ZNF469: variants seen among roughly 807,000 people sequenced by gnomAD.
ZNF469 encodes the protein zinc finger protein 469.
In ZNF469, 1 loss-of-function variant was observed where a neutral mutation model predicts 1.0. That is an observed-to-expected ratio of 1.00 (90% CI 0.35 to 4.73). The LOEUF (loss-of-function observed/expected upper bound fraction) is 4.73, where lower values mean the gene tolerates loss of function less well. Ranked by LOEUF, ZNF469 falls within the 30% of genes most tolerant of loss-of-function variation. The pLI, the probability that ZNF469 is intolerant of heterozygous loss-of-function variation, is 0.16. For missense variants in ZNF469, 6,100 were observed against 5,356.3 expected (o/e 1.14, Z -4.33); for synonymous variants, 2,703 against 2,363.4 (o/e 1.14, Z -4.17).
the ZNF469 span, among the ~76,000 whole-genome samples, chr16:88,279,797 G>A: frequency 2.7e-5 from 4 of 148,914 alleles, no homozygotes; most frequent in African/African-American, 5.0e-5. Context: ...GTGCCACGCT[G>A]ACACTCGGTC....
chr16:88,121,062 G>A, the ZNF469 span, among the ~76,000 whole-genome samples: 3 of 151,444 alleles, frequency 2.0e-5, no homozygotes, highest in African/African-American at 7.3e-5. Flanking sequence ...GTGGGGTGGG[G>A]TGCTGGTGGG....
At chr16:88,360,371 C>T in the ZNF469 span, among the ~76,000 whole-genome samples, 13 of 152,262 alleles carry the variant, frequency 8.5e-5, no homozygotes, top group South Asian at 2.3e-3. Flanking sequence ...ACAACTCGAG[C>T]GCCATTCAGT....
At chr16:88,366,287 C>T in the ZNF469 span, among the ~76,000 whole-genome samples, 1 of 150,896 alleles carries the variant, frequency 6.6e-6, no homozygotes, top group Non-Finnish European at 1.5e-5. Context: ...ACCTTCACCA[C>T]CACCACCATC....
the ZNF469 span, among the ~76,000 whole-genome samples, chr16:88,355,835 C>T: frequency 1.3e-5 from 2 of 152,202 alleles, no homozygotes; most frequent in Admixed American, 6.5e-5. Flanking sequence ...AGGTGTGGGA[C>T]TCCCAGGGGA....
chr16:88,152,362 T>C, the ZNF469 span, among the ~76,000 whole-genome samples: 1 of 152,206 alleles, frequency 6.6e-6, no homozygotes, highest in African/African-American at 2.4e-5. The surrounding 1 kb of genome is among the most constrained non-coding windows in gnomAD (Gnocchi z 4.2). Flanking sequence ...CCAACACTCC[T>C]CTGCAGGGTT....
At chr16:88,255,021 G>T in the ZNF469 span, among the ~76,000 whole-genome samples, 1 of 152,128 alleles carries the variant, frequency 6.6e-6, no homozygotes, top group African/African-American at 2.4e-5. Flanking sequence ...GTGTAAAATT[G>T]TTCAGTAGCT....
chr16:88,224,286 A>G, the ZNF469 span, among the ~76,000 whole-genome samples: 3 of 152,314 alleles, frequency 2.0e-5, no homozygotes, highest in African/African-American at 7.2e-5. Context: ...CCCCAGGATT[A>G]TAGTGGCGAG....
the ZNF469 span, among the ~76,000 whole-genome samples, chr16:88,141,901 C>T: frequency 1.3e-5 from 2 of 152,212 alleles, no homozygotes; most frequent in African/African-American, 4.8e-5. Context: ...ATTTCAGCTC[C>T]GTGAGAGCCG....
chr16:88,423,944 G>C (rs976008641), intron 1 of ZNF469, among the ~76,000 whole-genome samples: 2 of 152,262 alleles, frequency 1.3e-5, no homozygotes, highest in Non-Finnish European at 2.9e-5. Flanking sequence ...TGGAGAGAAT[G>C]AGGCTCCACC....
the ZNF469 span, among the ~76,000 whole-genome samples, chr16:88,361,939 C>T: frequency 6.6e-6 from 1 of 152,202 alleles, no homozygotes; most frequent in Non-Finnish European, 1.5e-5. Flanking sequence ...TGCATTGACA[C>T]TTCTGTTGAA....
chr16:88,256,688 C>T, the ZNF469 span, among the ~76,000 whole-genome samples: 1 of 152,118 alleles, frequency 6.6e-6, no homozygotes. Flanking sequence ...AGTGAGAGTT[C>T]CTGTTGCTCC....
chr16:88,321,148 G>C, the ZNF469 span, among the ~76,000 whole-genome samples: 1 of 152,252 alleles, frequency 6.6e-6, no homozygotes, highest in Non-Finnish European at 1.5e-5. Flanking sequence ...AGCTCCTCCT[G>C]TCCAGGCTGT....
chr16:88,405,471 C>T lies in ZNF469; in HGVS notation c.-191-19336C>T, dbSNP rs552102290. ...TGGGATGGGCCATGAGTTTCCCCAG[C>T]GTGCCCTGTGGCCCACCTGCCTCCC... is the stretch of plus-strand genomic sequence containing the variant. On this transcript the variant is annotated intron_variant, in intron 1 of 2. Coordinates refer to ENST00000565624, the MANE Select transcript of ZNF469 (RefSeq NM_001367624.2). Among the ~76,000 whole-genome samples the T allele has an allele frequency of 6.4e-4, 97 of 152,306 alleles. 3 individuals carry two copies. The South Asian group carries it at 0.017, about 26-fold the overall frequency.
the ZNF469 span, among the ~76,000 whole-genome samples, chr16:88,213,942 T>G: frequency 3.3e-5 from 5 of 152,344 alleles, no homozygotes; most frequent in African/African-American, 1.2e-4. Context: ...AACATTTATA[T>G]TATTCTCTGT....
At chr16:88,412,159 TGTCCCAGGCCCACC>T (rs930970526) in intron 1 of ZNF469, among the ~76,000 whole-genome samples, 4 of 152,060 alleles carry the variant, frequency 2.6e-5, no homozygotes, top group Non-Finnish European at 5.9e-5. Context: ...CCACGCCCCC[TGTCCCAGGCCCACC>T]GTCCCAGGCC....
rs573414361 is a variant in ZNF469 at position 88,428,212 on chromosome 16, T to C, written c.742T>C (p.Phe248Leu). 1.4e-5 allele frequency: 22 copies of C among 1,550,246 alleles called. No individual in the cohort carries two copies. The South Asian group carries it at 2.5e-4, about 18-fold the overall frequency. ...TGAGAATAGCTTCCCAGGTGCTAAT[T>C]TCGGGGTTCCCCCCGCCGAGCCGGA... ...AAENSFPGAN[F>L]GVPPAEPEPI... is the part of the protein sequence containing the mutation. Residue 248 changes from phenylalanine to leucine, a missense_variant, in exon 3 of 3, where the codon TTC (phenylalanine) becomes CTC (leucine). Phe to Leu is a conservative substitution (Grantham distance 22). Coordinates refer to ENST00000565624, the MANE Select transcript of ZNF469 (RefSeq NM_001367624.2).
chr16:88,316,952 G>A, the ZNF469 span, among the ~76,000 whole-genome samples: 4 of 152,252 alleles, frequency 2.6e-5, no homozygotes, highest in African/African-American at 7.2e-5. Context: ...GATCCCACGC[G>A]CTCTCCAGCT....
In ZNF469 at chr16:88,429,076, G is replaced by A; in HGVS notation, c.1606G>A (p.Ala536Thr). 2 of 1,550,002 alleles carry A rather than the reference G, an allele frequency of 1.3e-6. No homozygotes were observed. The highest frequency in any genetic ancestry group is 1.7e-6 in the Non-Finnish European group (2 of 1,146,866). Reference protein sequence around the residue: ...KTPGPREKLPAVRSSQGGSPA... With the variant: ...KTPGPREKLPTVRSSQGGSPA... ...ACCGGGACCCAGAGAGAAGCTGCCA[G>A]CCGTGAGAAGCAGCCAGGGCGGCTC... Residue 536 changes from alanine (A) to threonine (T), a missense_variant, in exon 3 of 3, where the codon GCC becomes ACC. By Grantham distance (58) the Ala-to-Thr change is moderately conservative. Coordinates refer to ENST00000565624, the MANE Select transcript of ZNF469 (RefSeq NM_001367624.2).
intron 1 of ZNF469, among the ~76,000 whole-genome samples, chr16:88,406,427 G>A (rs1218265344): frequency 1.3e-5 from 2 of 152,222 alleles, no homozygotes; most frequent in Non-Finnish European, 2.9e-5. Flanking sequence ...GCCCGCTGTG[G>A]CCTTCCTGTC....
Sources: allele counts gnomAD v4.1 joint callset (sites outside exome capture counted in the v4.1 genomes callset), GRCh38; gene constraint gnomAD v4.1.1; non-coding constraint Gnocchi (gnomAD v3.1); transcripts MANE v1.5; gene names NCBI Gene and HGNC (gene_info 2026-07-23, HGNC 2026-07-21).